The following UGGT2 variants were observed in gnomAD, a reference collection of about 807,000 sequenced individuals.
UGGT2 encodes the protein UDP-glucose:glycoprotein glucosyltransferase 2.
A neutral mutation model predicts 192.1 loss-of-function variants in UGGT2; 180 were observed. That is an observed-to-expected ratio of 0.94 (90% CI 0.83 to 1.06). The LOEUF (loss-of-function observed/expected upper bound fraction) is 1.06. UGGT2 is among the 50% of genes least tolerant of loss of function. The pLI, the probability that UGGT2 is intolerant of heterozygous loss-of-function variation, is 0.00. For synonymous variants in UGGT2, 580 were observed against 591.0 expected, an observed-to-expected ratio of 0.98 and a Z score of 0.27; for missense variants, 1,849 against 1,795.7, an observed-to-expected ratio of 1.03 and a Z score of -0.54.
At position 96,026,016 on chromosome 13, in the gene UGGT2, T is replaced by C. The variant is rs144908427; in HGVS notation, c.242-2257A>G. On this transcript the variant is annotated intron_variant, in intron 2 of 38. Coordinates refer to ENST00000376747, the MANE Select transcript of UGGT2 (RefSeq NM_020121.4). ...AAGGAGATTAATATATGTATACTTG[T>C]AGACCCTAAGGCAGAAAATCAAGGG... Among the ~76,000 whole-genome samples, 396 of 152,138 alleles carry C rather than the reference T, an allele frequency of 2.6e-3. 2 individuals carry two copies. Among genetic ancestry groups the C allele is most frequent in the Non-Finnish European group, 4.5e-3 (304 of 67,976 alleles).
At chr13:95,996,197 G>A (rs2051614043) in intron 6 of UGGT2, 62 bp from the exon 7 acceptor site, 1 of 1,470,396 alleles carries the variant, frequency 6.8e-7, no homozygotes, top group Admixed American at 1.8e-5. Flanking sequence ...AAAAGAACAT[G>A]TAATCAAAAA....
rs570713157 is a variant in UGGT2 at position 95,884,642 on chromosome 13, C to T, written c.3077G>A (p.Gly1026Glu). The T allele has an allele frequency of 6.2e-6, 10 of 1,613,376 alleles. No individual in the cohort carries two copies. Among genetic ancestry groups the T allele is most frequent in the South Asian group, 5.5e-5 (5 of 90,958 alleles). ...RFVLEPELMS[G>E]ANDVSSLGPV... ...TCCAAGAGAAGAAACGTCATTAGCC[C>T]CTGACATCAGTTCTGGTTCCAGAAC... Residue 1026 changes from glycine (G) to glutamate (E), a missense_variant, in exon 27 of 39, where the codon GGG becomes GAG. Transcript: ENST00000376747.
intron 27 of UGGT2, among the ~76,000 whole-genome samples, chr13:95,883,989 T>C (rs1036845959): frequency 1.4e-5 from 2 of 147,970 alleles, no homozygotes; most frequent in Admixed American, 6.9e-5. Context: ...TGGCCTGTAG[T>C]ATACCGCAAA....
At position 95,969,752 on chromosome 13, in the gene UGGT2, A is replaced by G. The variant is rs987794377; in HGVS notation, c.1335+360T>C. ...CACCAGAACCTTTGGAGGCCGCTGCAAATTGTTTCGGCAGGACTTTCATCA... is the reference window on the plus strand; with the variant it reads ...CACCAGAACCTTTGGAGGCCGCTGCGAATTGTTTCGGCAGGACTTTCATCA... On this transcript the variant is annotated intron_variant, in intron 12 of 38. Transcript: ENST00000376747. Among the ~76,000 whole-genome samples, 3 of 152,356 alleles carry G rather than the reference A, an allele frequency of 2.0e-5. No homozygotes were observed. In the East Asian group the frequency reaches 5.8e-4, roughly 29 times the overall value.
chr13:95,894,821 T>G (rs886487994), intron 23 of UGGT2, among the ~76,000 whole-genome samples, 164 bp from the exon 24 acceptor site: 7 of 152,104 alleles, frequency 4.6e-5, no homozygotes, highest in African/African-American at 1.7e-4. Flanking sequence ...TCTAAAACAG[T>G]CACAGCCTTC....
chr13:95,936,702 G>A (rs749049115), intron 17 of UGGT2, among the ~76,000 whole-genome samples: 1 of 152,234 alleles, frequency 6.6e-6, no homozygotes, highest in Non-Finnish European at 1.5e-5. Context: ...GATTCCTGAA[G>A]ATCTGCCTGG....
chr13:95,902,635 T>G (rs1384622488), intron 21 of UGGT2, among the ~76,000 whole-genome samples: 2 of 151,948 alleles, frequency 1.3e-5, no homozygotes, highest in Non-Finnish European at 2.9e-5. Context: ...ACTTTAAGAA[T>G]CATGAAGTAG....
intron 5 of UGGT2, among the ~76,000 whole-genome samples, chr13:96,012,343 G>A (rs2139067817): frequency 6.6e-6 from 1 of 152,074 alleles, no homozygotes; most frequent in Non-Finnish European, 1.5e-5. Context: ...ACAAGAGAAT[G>A]TCCTTATAAC....
intron 9 of UGGT2, 50 bp from the exon 10 acceptor site, chr13:95,983,914 C>G: frequency 7.6e-7 from 1 of 1,320,430 alleles, no homozygotes; most frequent in Non-Finnish European, 1.0e-6. Context: ...ATGTTTAGAA[C>G]TGATCTATAT....
intron 27 of UGGT2, among the ~76,000 whole-genome samples, chr13:95,878,492 T>C (rs1335851580): frequency 2.6e-5 from 4 of 152,182 alleles, no homozygotes; most frequent in South Asian, 2.1e-4. Flanking sequence ...TGTCTCTGTC[T>C]CTATAAATAT....
At chr13:95,858,246 A>G (rs940087319) in intron 33 of UGGT2, among the ~76,000 whole-genome samples, 1 of 151,732 alleles carries the variant, frequency 6.6e-6, no homozygotes, top group African/African-American at 2.4e-5. Flanking sequence ...CCTTCACCCT[A>G]TCTCCCAGGA....
intron 38 of UGGT2, among the ~76,000 whole-genome samples, chr13:95,825,206 C>G (rs764629697): frequency 6.6e-6 from 1 of 152,070 alleles, no homozygotes; most frequent in Non-Finnish European, 1.5e-5. Flanking sequence ...TTAATTTCTC[C>G]CCAGTATTTT....
At position 96,023,701 on chromosome 13, in the gene UGGT2, A is replaced by T; in HGVS notation, c.300T>A (p.Asn100Lys). The T allele has an allele frequency of 6.2e-7, 1 of 1,611,900 alleles. No homozygotes were observed. The highest frequency in any genetic ancestry group is 8.5e-7 in the Non-Finnish European group (1 of 1,178,420). Residue 100 changes from asparagine to lysine, a missense_variant, in exon 3 of 39, where the codon AAT (asparagine) becomes AAA (lysine). Transcript: ENST00000376747. The part of the protein sequence containing the change: ...ILKKAGQFLD[N>K]LHINLLKFAF... Reference sequence around the variant, plus strand: ...CAAACTTTAAAAGGTTGATGTGTAAATTGTCTAGAAACTGTCCAGCTTTCT... The same window carrying T: ...CAAACTTTAAAAGGTTGATGTGTAATTTGTCTAGAAACTGTCCAGCTTTCT...
intron 24 of UGGT2, 31 bp from the exon 25 acceptor site, chr13:95,890,995 A>G: frequency 1.3e-6 from 2 of 1,498,594 alleles, no homozygotes; most frequent in South Asian, 1.2e-5. Context: ...ATGAAAGATG[A>G]CGTGTTAAGT....
chr13:95,922,592 C>T (rs1293835526), intron 20 of UGGT2, among the ~76,000 whole-genome samples: 5 of 152,142 alleles, frequency 3.3e-5, no homozygotes, highest in Admixed American at 6.5e-5. Flanking sequence ...GAAGCTGAGG[C>T]GAGTGGATCA....
rs187708989 is a variant in UGGT2, at chr13:95,962,925, T to C, written c.1335+7187A>G. 2.4e-4 allele frequency among the ~76,000 whole-genome samples: 36 copies of C among 152,240 alleles called. No homozygotes were observed. In the East Asian group the frequency reaches 6.4e-3, roughly 27 times the overall value. Reference sequence around the variant, plus strand: ...ATGGAGGAACAAGTCACATCTTATATGGATGGCAGCAAGCAAAAAGAGAGC... The same window carrying C: ...ATGGAGGAACAAGTCACATCTTATACGGATGGCAGCAAGCAAAAAGAGAGC... On this transcript the variant is annotated intron_variant, in intron 12 of 38. Coordinates refer to ENST00000376747, the MANE Select transcript of UGGT2 (RefSeq NM_020121.4).
intron 18 of UGGT2, 40 bp from the exon 19 acceptor site, chr13:95,927,166 A>T (rs377687753): frequency 6.2e-7 from 1 of 1,606,116 alleles, no homozygotes; most frequent in Non-Finnish European, 8.5e-7. Flanking sequence ...TAAATAAAGA[A>T]TTCACAACTC....
At position 96,013,458 on chromosome 13, in the gene UGGT2, C is replaced by A; in HGVS notation, c.509G>T (p.Gly170Val). Reference sequence around the variant, plus strand: ...TTTGTTTGTAGGAAATTTGTGATCTCCTTTAAATAGATAAGGTCTAGTCCT... The same window carrying A: ...TTTGTTTGTAGGAAATTTGTGATCTACTTTAAATAGATAAGGTCTAGTCCT... The part of the protein sequence containing the change: ...ASRTRPYLFK[G>V]DHKFPTNKEN... Residue 170 changes from glycine to valine, a missense_variant, in exon 5 of 39, where the codon GGA (glycine) becomes GTA (valine). Physicochemically the swap from Gly to Val is moderately radical, Grantham distance 109 (BLOSUM62 -3). Transcript: ENST00000376747. The A allele has an allele frequency of 6.3e-7, 1 of 1,584,958 alleles. No homozygotes were observed. The highest frequency in any genetic ancestry group is 8.5e-7 in the Non-Finnish European group (1 of 1,170,138).
chr13:95,892,009 G>A lies in UGGT2; in HGVS notation c.2856-1045C>T, dbSNP rs11619745. 3.7e-3 allele frequency among the ~76,000 whole-genome samples: 559 copies of A among 152,208 alleles called. 2 individuals are homozygous for A. The highest frequency in any genetic ancestry group is 0.017 in the Middle Eastern group (5 of 292). On this transcript the variant is annotated intron_variant, in intron 24 of 38. Coordinates refer to ENST00000376747, the MANE Select transcript of UGGT2 (RefSeq NM_020121.4). ...AATGGATAATTATTGCTAGACCTAA[G>A]AGCCACAAATCAGACGTTCTGCTAT...
Sources: gnomAD v4.1 joint callset for allele counts (sites outside exome capture counted in the v4.1 genomes callset) on GRCh38, gnomAD v4.1.1 for gene constraint, MANE v1.5 for transcripts, NCBI Gene and HGNC (gene_info 2026-07-23, HGNC 2026-07-21) for gene names.